CAMK2A: variants seen among roughly 807,000 people sequenced by gnomAD.
The protein encoded by CAMK2A is calcium/calmodulin dependent protein kinase II alpha.
Under a neutral mutation model 79.2 loss-of-function variants are expected in CAMK2A, and 7 were observed. That is an observed-to-expected ratio of 0.09 (90% confidence interval 0.05 to 0.17). The LOEUF is 0.17. Among genes scored for constraint, CAMK2A ranks in the 10% least tolerant of loss-of-function variants. The pLI is 1.00. For synonymous variants in CAMK2A, 242 were observed against 251.7 expected, an observed-to-expected ratio of 0.96 and a Z score of 0.36; for missense variants, 214 against 646.4, an observed-to-expected ratio of 0.33 and a Z score of 7.25.
At chr5:150,242,425 C>T (rs978996594) in intron 13 of CAMK2A, among the ~76,000 whole-genome samples, 4 of 152,202 alleles carry the variant, frequency 2.6e-5, no homozygotes, top group South Asian at 2.1e-4. Flanking sequence ...TATAGCTTCA[C>T]ATCTCTGCCA....
intron 1 of CAMK2A, among the ~76,000 whole-genome samples, chr5:150,274,933 A>T (rs554856812): frequency 3.3e-5 from 5 of 152,342 alleles, no homozygotes; most frequent in Admixed American, 3.3e-4. Context: ...CCACAAAAAG[A>T]TGAGGCTGAC....
At chr5:150,255,107 C>A (rs930041873) in intron 6 of CAMK2A, among the ~76,000 whole-genome samples, 2 of 152,204 alleles carry the variant, frequency 1.3e-5, no homozygotes, top group African/African-American at 4.8e-5. Flanking sequence ...ACCGTCCTGC[C>A]CTGATTTGAT....
chr5:150,250,087 T>C (rs963192923), intron 11 of CAMK2A, 139 bp downstream of exon 11: 4 of 652,858 alleles, frequency 6.1e-6, no homozygotes, highest in Non-Finnish European at 1.1e-5. Flanking sequence ...CAACCTGCTG[T>C]CCAGTATGCA....
At chr5:150,289,142 G>A (rs1757557797) in intron 1 of CAMK2A, among the ~76,000 whole-genome samples, 1 of 152,212 alleles carries the variant, frequency 6.6e-6, no homozygotes, top group South Asian at 2.1e-4. Context: ...TCTGTCACTG[G>A]AGGTATCTAA....
chr5:150,270,876 A>C lies in CAMK2A; in HGVS notation c.157+2189T>G, dbSNP rs550408260. On this transcript the variant is annotated intron_variant, in intron 2 of 18. Coordinates refer to ENST00000671881, the MANE Select transcript of CAMK2A (RefSeq NM_015981.4). Reference sequence around the variant, plus strand: ...CCAGGAGTGCTTAGTCACCTTCCAAAACAGGAGCCATGGCCCTTCCACCCT... The same window carrying C: ...CCAGGAGTGCTTAGTCACCTTCCAACACAGGAGCCATGGCCCTTCCACCCT... Among the ~76,000 whole-genome samples the C allele has an allele frequency of 6.6e-5, 10 of 152,214 alleles. No homozygotes were observed. In the South Asian group the frequency reaches 2.1e-3, roughly 32 times the overall value.
chr5:150,241,567 GCCT>G (rs1269336922), intron 13 of CAMK2A, among the ~76,000 whole-genome samples: 1 of 92,680 alleles, frequency 1.1e-5, no homozygotes, highest in African/African-American at 4.3e-5. Flanking sequence ...CCTCTCCTCT[GCCT>G]CCTTCCTCTC....
rs542341024 is a variant in CAMK2A at position 150,259,862 on chromosome 5, G to A, written c.218-2245C>T. On this transcript the variant is annotated intron_variant, in intron 3 of 18. Transcript: ENST00000671881. ...CAGACGCCTGGAGTCCCAGCTGCTC[G>A]GGAGGCTGAGGCAGGAGAATTGCTT... Among the ~76,000 whole-genome samples, 14 of 152,006 alleles carry A rather than the reference G, an allele frequency of 9.2e-5. No homozygotes were observed. The East Asian group carries it at 1.6e-3, about 17-fold the overall frequency.
At chr5:150,239,532 C>T (rs1050136303) in intron 14 of CAMK2A, among the ~76,000 whole-genome samples, 172 bp downstream of exon 14, 6 of 152,208 alleles carry the variant, frequency 3.9e-5, no homozygotes, top group Admixed American at 1.3e-4. Flanking sequence ...AACAGAAACA[C>T]GCAAACAACA....
At position 150,223,916 on chromosome 5, in the gene CAMK2A, G is replaced by A. The variant is rs1313465786; in HGVS notation, c.1238-699C>T. Among the ~76,000 whole-genome samples the A allele has an allele frequency of 6.6e-6, 1 of 152,204 alleles. No individual in the cohort carries two copies. The highest frequency in any genetic ancestry group is 1.5e-5 in the Non-Finnish European group (1 of 68,042). ...GACACGGCCCGTGGGCCTGTCTGAA[G>A]TATATCTACTTCTACTGTATATCTA... On this transcript the variant is annotated intron_variant, in intron 17 of 18. Transcript: ENST00000671881. The surrounding 1 kb of genome is among the most constrained non-coding windows in gnomAD (Gnocchi z 4.1).
chr5:150,247,949 G>T, intron 11 of CAMK2A, 135 bp from the exon 12 acceptor site: 1 of 710,582 alleles, frequency 1.4e-6, no homozygotes, highest in Non-Finnish European at 2.4e-6. Flanking sequence ...CCTCTGCCCT[G>T]CCCCTCCATT....
At chr5:150,226,098 G>A (rs2114017151) in intron 17 of CAMK2A, among the ~76,000 whole-genome samples, 1 of 152,296 alleles carries the variant, frequency 6.6e-6, no homozygotes, top group Non-Finnish European at 1.5e-5. Context: ...TTTATTAAAG[G>A]AAGATGTTGT....
At chr5:150,248,310 A>G (rs1253789401) in intron 11 of CAMK2A, among the ~76,000 whole-genome samples, 1 of 133,980 alleles carries the variant, frequency 7.5e-6, no homozygotes, top group African/African-American at 3.0e-5. Flanking sequence ...TTTTTTTTTT[A>G]TTTCCAAGTT....
Position 150,234,033 on chromosome 5 carries a change from G to A in CAMK2A, c.1067-2653C>T, listed in dbSNP as rs375481332. ...TCACCATGTTGGCCAGGCTGGTCAC[G>A]AGCTCCTGGCCTCAGGTGATCTGCC... is the stretch of plus-strand genomic sequence containing the variant. On this transcript the variant is annotated intron_variant, in intron 15 of 18. Transcript: ENST00000671881. 2.1e-4 allele frequency among the ~76,000 whole-genome samples: 32 copies of A among 152,242 alleles called. 2 individuals are homozygous for A. Among genetic ancestry groups the A allele is most frequent in the Admixed American group, 1.1e-3 (17 of 15,300 alleles).
At chr5:150,289,276 G>A (rs1458348292) in intron 1 of CAMK2A, among the ~76,000 whole-genome samples, 2 of 152,208 alleles carry the variant, frequency 1.3e-5, no homozygotes, top group African/African-American at 4.8e-5. Context: ...CAGGTTGTGT[G>A]TACTTGTGTG....
intron 15 of CAMK2A, 139 bp downstream of exon 15, chr5:150,238,561 T>G: frequency 5.9e-6 from 5 of 840,820 alleles, no homozygotes; most frequent in Non-Finnish European, 8.0e-6. Context: ...GTGTGCCCAG[T>G]TTATAAGGCA....
intron 3 of CAMK2A, among the ~76,000 whole-genome samples, chr5:150,263,353 T>C (rs180895584): frequency 6.6e-6 from 1 of 151,574 alleles, no homozygotes; most frequent in Admixed American, 6.6e-5. Flanking sequence ...CATTCACACA[T>C]TCACACACAC....
At chr5:150,281,148 T>A (rs986357870) in intron 1 of CAMK2A, among the ~76,000 whole-genome samples, 2 of 152,222 alleles carry the variant, frequency 1.3e-5, no homozygotes, top group South Asian at 4.1e-4. Flanking sequence ...AGATGCTACA[T>A]GGCAGTTACC....
At chr5:150,257,938 A>G (rs552994067) in intron 3 of CAMK2A, among the ~76,000 whole-genome samples, 8 of 152,304 alleles carry the variant, frequency 5.3e-5, no homozygotes, top group Admixed American at 2.0e-4. Flanking sequence ...TGTGACTCCA[A>G]TCTCTGCCAC....
At chr5:150,230,068 C>T (rs2114024330) in intron 16 of CAMK2A, among the ~76,000 whole-genome samples, 1 of 152,042 alleles carries the variant, frequency 6.6e-6, no homozygotes, top group African/African-American at 2.4e-5. Flanking sequence ...GCCTGTAATC[C>T]CAGCACTTTG....
Sources: allele counts gnomAD v4.1 joint callset (sites outside exome capture counted in the v4.1 genomes callset), GRCh38; gene constraint gnomAD v4.1.1; non-coding constraint Gnocchi (gnomAD v3.1); transcripts MANE v1.5; gene names NCBI Gene and HGNC (gene_info 2026-07-23, HGNC 2026-07-21).